Variants in GABRG2 observed in about 807,000 individuals in gnomAD.
GABRG2 encodes the protein gamma-aminobutyric acid type A receptor subunit gamma2, also known as gamma-aminobutyric acid receptor subunit gamma-2.
GABRG2 carries 16 observed loss-of-function variants against 56.4 expected under a neutral mutation model. The observed-to-expected ratio is 0.28, with a 90% confidence interval of 0.19 to 0.43. The LOEUF (loss-of-function observed/expected upper bound fraction) is 0.43, where lower values mean the gene tolerates loss of function less well. GABRG2 is among the 20% of genes least tolerant of loss of function. The probability of loss-of-function intolerance (pLI) is 1.00; values close to 1 mark genes in which losing one functional copy is unlikely to be tolerated. For synonymous variants in GABRG2, 208 were observed against 205.5 expected (o/e 1.01, Z -0.10); for missense variants, 327 against 582.7 (o/e 0.56, Z 4.52).
At chr5:162,118,204 G>GGT (rs3079259) in intron 6 of GABRG2, among the ~76,000 whole-genome samples, 2,206 of 146,150 alleles carry the variant, frequency 0.015, 21 homozygotes, top group Middle Eastern at 0.028. Context: ...AGGTTCTGAT[G>GGT]GTGTGTGTGT....
chr5:162,140,583 T>C (rs576207899), intron 6 of GABRG2, among the ~76,000 whole-genome samples: 1 of 152,204 alleles, frequency 6.6e-6, no homozygotes, highest in Non-Finnish European at 1.5e-5. Flanking sequence ...TAGGGAAACG[T>C]AGGCACAAAG....
chr5:162,113,131 G>C (rs1042270891), intron 6 of GABRG2, among the ~76,000 whole-genome samples: 1 of 151,824 alleles, frequency 6.6e-6, no homozygotes, highest in African/African-American at 2.4e-5. Context: ...ATAGAGACGG[G>C]GTTTCACCAT....
At chr5:162,117,366 T>A (rs905713528) in intron 6 of GABRG2, among the ~76,000 whole-genome samples, 4 of 152,128 alleles carry the variant, frequency 2.6e-5, no homozygotes, top group Non-Finnish European at 5.9e-5. Context: ...AGGAAGTAAT[T>A]GAAAATGATT....
chr5:162,133,929 G>T (rs1357193316), intron 6 of GABRG2, among the ~76,000 whole-genome samples: 1 of 152,106 alleles, frequency 6.6e-6, no homozygotes, highest in East Asian at 1.9e-4. Context: ...TGGTATTCCA[G>T]ACAAATGAGT....
At chr5:162,089,844 T>C (rs1005187058) in intron 1 of GABRG2, among the ~76,000 whole-genome samples, 36 of 152,112 alleles carry the variant, frequency 2.4e-4, no homozygotes. Context: ...CCTCTACCCC[T>C]AAACTTAGAG....
At chr5:162,098,029 T>C in intron 4 of GABRG2, 171 bp downstream of exon 4, 1 of 621,356 alleles carries the variant, frequency 1.6e-6, no homozygotes, top group Non-Finnish European at 2.8e-6. Flanking sequence ...TTTTTTCTTT[T>C]TGTTATCAAT....
rs578039218 is a variant in GABRG2 at position 162,154,918 on chromosome 5, A to G, written c.*1550A>G. On this transcript the variant is annotated 3_prime_UTR_variant, in exon 10 of 10. Coordinates refer to ENST00000639213, the MANE Select transcript of GABRG2 (RefSeq NM_198904.4). ...TGTAGTTAAACAAAGCAATTTCTCC[A>G]GACTTAAAACATGATGAGTTGAGCT... 6 of 152,240 alleles carry G rather than the reference A, an allele frequency of 3.9e-5. No homozygotes were observed. In the East Asian group the frequency reaches 5.8e-4, roughly 15 times the overall value. 9.4% of individuals were successfully genotyped at this position (152,240 alleles called of 1,614,324 possible).
chr5:162,092,867 T>G (rs1417863737), intron 1 of GABRG2, among the ~76,000 whole-genome samples: 1 of 152,156 alleles, frequency 6.6e-6, no homozygotes, highest in Non-Finnish European at 1.5e-5. Context: ...CAATATTCAT[T>G]CAGTGTTGAT....
At chr5:162,102,262 A>G (rs557828957) in intron 5 of GABRG2, 8 of 221,114 alleles carry the variant, frequency 3.6e-5, no homozygotes, top group African/African-American at 1.8e-4. Flanking sequence ...CCTGAATCCA[A>G]GAATGAAATA....
chr5:162,122,652 A>G (rs1763053379), intron 6 of GABRG2, among the ~76,000 whole-genome samples: 1 of 151,710 alleles, frequency 6.6e-6, no homozygotes, highest in South Asian at 2.1e-4. Context: ...TTAAAAAGAG[A>G]GAAAAGATGA....
chr5:162,074,912 G>A (rs1463866673), intron 1 of GABRG2, among the ~76,000 whole-genome samples: 6 of 147,296 alleles, frequency 4.1e-5, no homozygotes, highest in African/African-American at 1.5e-4. Context: ...TGGCCTCTTA[G>A]TCTTTTTATG....
At chr5:162,151,511 A>C (rs1765369744) in intron 8 of GABRG2, 2 of 500,612 alleles carry the variant, frequency 4.0e-6, no homozygotes, top group Admixed American at 3.7e-5. Flanking sequence ...TAATTTATTA[A>C]AAATTTCACT....
intron 6 of GABRG2, among the ~76,000 whole-genome samples, chr5:162,125,841 A>G (rs1763307583): frequency 6.6e-6 from 1 of 151,874 alleles, no homozygotes; most frequent in African/African-American, 2.4e-5. Flanking sequence ...AGGTCTCCAT[A>G]AAGTAAAAAG....
At chr5:162,107,020 C>T (rs1027344633) in intron 6 of GABRG2, among the ~76,000 whole-genome samples, 1 of 152,026 alleles carries the variant, frequency 6.6e-6, no homozygotes, top group Non-Finnish European at 1.5e-5. Flanking sequence ...TCTGCCTTCC[C>T]AAAGACCTCA....
At chr5:162,086,468 A>G (rs1760122056) in intron 1 of GABRG2, among the ~76,000 whole-genome samples, 1 of 152,058 alleles carries the variant, frequency 6.6e-6, no homozygotes, top group South Asian at 2.1e-4. Flanking sequence ...TGTTATAAAA[A>G]GCATATAAGA....
At chr5:162,105,321 GA>G (rs1294792481) in intron 6 of GABRG2, among the ~76,000 whole-genome samples, 1 of 151,212 alleles carries the variant, frequency 6.6e-6, no homozygotes, top group African/African-American at 2.4e-5. Flanking sequence ...CTTTTATTTG[GA>G]AAAAAGAATC....
intron 8 of GABRG2, chr5:162,149,530 AAATAT>A (rs774892608): frequency 4.1e-5 from 31 of 754,694 alleles, no homozygotes; most frequent in South Asian, 3.7e-4. Context: ...GTTCTTATGC[AAATAT>A]AATTACCTGC....
At chr5:162,121,630 A>G (rs990661621) in intron 6 of GABRG2, among the ~76,000 whole-genome samples, 1 of 152,224 alleles carries the variant, frequency 6.6e-6, no homozygotes, top group Middle Eastern at 3.4e-3. Flanking sequence ...TCTCCTTTAT[A>G]AGACTGACTG....
At chr5:162,107,305 G>C (rs1761908263) in intron 6 of GABRG2, among the ~76,000 whole-genome samples, 1 of 152,016 alleles carries the variant, frequency 6.6e-6, no homozygotes, top group African/African-American at 2.4e-5. Context: ...AAAAATACAA[G>C]TGATATAAAA....
Sources: gnomAD v4.1 joint callset for allele counts (sites outside exome capture counted in the v4.1 genomes callset) on GRCh38, gnomAD v4.1.1 for gene constraint, MANE v1.5 for transcripts, NCBI Gene and HGNC (gene_info 2026-07-23, HGNC 2026-07-21) for gene names.